TMEM40: variants seen among roughly 807,000 people sequenced by gnomAD.
The protein encoded by TMEM40 is transmembrane protein 40.
A neutral mutation model predicts 40.8 loss-of-function variants in TMEM40; 34 were observed. The observed-to-expected ratio is 0.83, with a 90% CI of 0.63 to 1.11. The LOEUF is 1.11. TMEM40 is among the 50% of genes least tolerant of loss of function. The pLI is 0.00. For synonymous variants in TMEM40, 106 were observed against 107.0 expected (o/e 0.99, Z 0.06); for missense variants, 296 against 280.2 (o/e 1.06, Z -0.40).
At chr3:12,752,477 A>G (rs774660777) in intron 1 of TMEM40, among the ~76,000 whole-genome samples, 11 of 152,150 alleles carry the variant, frequency 7.2e-5, no homozygotes, top group Non-Finnish European at 1.6e-4. Flanking sequence ...ATAGGTCAGA[A>G]TATTGGGGCA....
At chr3:12,764,527 G>A (rs2061585685) in intron 1 of TMEM40, among the ~76,000 whole-genome samples, 2 of 152,194 alleles carry the variant, frequency 1.3e-5, no homozygotes, top group Admixed American at 1.3e-4. Context: ...TGAAGTGTTA[G>A]CTTCTGGTCC....
At position 12,733,769 on chromosome 3, in the gene TMEM40, A is replaced by T. The variant is rs113231678; in HGVS notation, c.*1005T>A. On this transcript the variant is annotated 3_prime_UTR_variant, in exon 12 of 12. Transcript: ENST00000314124. ...ATTGTATACTTTGCAAATTGCTGAC[A>T]GTAGGTTTTTACTGTTCTCATCATA... 6.6e-6 allele frequency: 1 copy of T among 152,146 alleles called. No homozygotes were observed. The highest frequency in any genetic ancestry group is 6.5e-5 in the Admixed American group (1 of 15,268). The allele number at this position is 152,146 out of a possible 1,614,324, so 9.4% of individuals were successfully genotyped here. A position where few individuals can be genotyped will look rare whatever the true frequency, so the allele number is the denominator to read the frequency against.
chr3:12,742,102 C>T (rs375989535), intron 5 of TMEM40, among the ~76,000 whole-genome samples: 41 of 152,128 alleles, frequency 2.7e-4, no homozygotes, highest in East Asian at 2.1e-3. Flanking sequence ...TGGTGGTGGG[C>T]GCCTGTGGTC....
chr3:12,750,483 C>G (rs1219841597), intron 1 of TMEM40, among the ~76,000 whole-genome samples: 1 of 152,218 alleles, frequency 6.6e-6, no homozygotes, highest in Non-Finnish European at 1.5e-5. Flanking sequence ...CTATGAGTCT[C>G]TGTTATAGCA....
intron 10 of TMEM40, 31 bp downstream of exon 10, chr3:12,736,547 T>G: frequency 1.9e-6 from 3 of 1,545,078 alleles, no homozygotes; most frequent in Non-Finnish European, 2.6e-6. Context: ...CAAGAGACTG[T>G]GTGTGTGTCC....
At chr3:12,757,743 T>C (rs1159533535) in intron 1 of TMEM40, among the ~76,000 whole-genome samples, 1 of 152,220 alleles carries the variant, frequency 6.6e-6, no homozygotes, top group East Asian at 1.9e-4. Flanking sequence ...CCCTAGTATA[T>C]TCGCAAGAGA....
upstream of TMEM40, among the ~76,000 whole-genome samples, chr3:12,762,379 T>A (rs2061575435): frequency 6.6e-6 from 1 of 152,190 alleles, no homozygotes; most frequent in Non-Finnish European, 1.5e-5. Flanking sequence ...AACTTCTATA[T>A]TGGATGGTGC....
intron 1 of TMEM40, among the ~76,000 whole-genome samples, chr3:12,757,553 CCCA>C (rs2061538494): frequency 6.6e-6 from 1 of 151,944 alleles, no homozygotes. Context: ...CCCCTTCACA[CCCA>C]CTAGGGTGGC....
rs544710139 is a variant in TMEM40, at chr3:12,742,484, C to T, written c.325G>A (p.Val109Ile). 8.7e-6 allele frequency: 14 copies of T among 1,614,002 alleles called. No homozygotes were observed. The highest frequency in any genetic ancestry group is 3.3e-5 in the South Asian group (3 of 91,060). ...SPGPGHGEPDVLKDELQLYGD... is the reference protein window; with the variant it reads ...SPGPGHGEPDILKDELQLYGD... ...TAGAGTTGAAGCTCATCCTTCAAAACGTCAGGCTCCCCATGCCCAGGACCT... is the reference window on the plus strand; with the variant it reads ...TAGAGTTGAAGCTCATCCTTCAAAATGTCAGGCTCCCCATGCCCAGGACCT... Residue 109 changes from valine to isoleucine, a missense_variant, in exon 5 of 12, where the codon GTT (valine) becomes ATT (isoleucine). Transcript: ENST00000314124.
chr3:12,741,414 C>G (rs1198024431), intron 5 of TMEM40: 2 of 152,316 alleles, frequency 1.3e-5, no homozygotes, highest in South Asian at 4.1e-4. Flanking sequence ...ACAAACACCA[C>G]AAGAGGCACT....
intron 3 of TMEM40, 125 bp downstream of exon 3, chr3:12,748,530 A>G (rs573893453): frequency 3.0e-4 from 402 of 1,348,586 alleles, no homozygotes; most frequent in Non-Finnish European, 3.7e-4. Context: ...GATCGGCTCT[A>G]GAAGAGAATG....
intron 1 of TMEM40, among the ~76,000 whole-genome samples, chr3:12,751,751 C>T (rs1181793757): frequency 6.6e-6 from 1 of 152,172 alleles, no homozygotes; most frequent in Non-Finnish European, 1.5e-5. Context: ...GTGACTAGTA[C>T]ATATTCATTG....
In TMEM40 at chr3:12,736,827, A is replaced by G; in HGVS notation, c.481T>C (p.Phe161Leu). ...GCAAAGCACAGGAGGACGAAATGGA[A>G]AAACTCATCTGTGAAGGCAGGGGTG... ...RLNIKKDDEF[F>L]HFVLLCFAIG... Residue 161 changes from phenylalanine to leucine, a missense_variant, in exon 9 of 12, where the codon TTC becomes CTC. Transcript: ENST00000314124. The G allele has an allele frequency of 6.2e-7, 1 of 1,614,154 alleles. No individual in the cohort carries two copies.
At chr3:12,736,930 G>A (rs2061342519) in intron 8 of TMEM40, 95 bp from the exon 9 acceptor site, 1 of 1,474,154 alleles carries the variant, frequency 6.8e-7, no homozygotes, top group Non-Finnish European at 9.5e-7. Context: ...CCAGGGTGGA[G>A]TGCAGTTGTG....
chr3:12,760,307 C>T (rs542236524), upstream of TMEM40, among the ~76,000 whole-genome samples: 2 of 152,282 alleles, frequency 1.3e-5, no homozygotes, highest in African/African-American at 4.8e-5. Flanking sequence ...TGCCACACTC[C>T]CACTGCACTC....
intron 1 of TMEM40, among the ~76,000 whole-genome samples, chr3:12,768,426 T>C (rs558648883): frequency 1.1e-4 from 16 of 152,304 alleles, no homozygotes; most frequent in Admixed American, 3.9e-4. Flanking sequence ...AGAGAGCCGA[T>C]TGGTCCGTTT....
At chr3:12,748,623 A>G in intron 3 of TMEM40, 32 bp downstream of exon 3, 1 of 1,589,986 alleles carries the variant, frequency 6.3e-7, no homozygotes, top group Non-Finnish European at 8.6e-7. Flanking sequence ...TTTTTCTTGA[A>G]TAATATACAT....
At chr3:12,748,568 A>C in intron 3 of TMEM40, 87 bp downstream of exon 3, 1 of 1,521,220 alleles carries the variant, frequency 6.6e-7, no homozygotes, top group Non-Finnish European at 8.8e-7. Flanking sequence ...AGTTTCAAGT[A>C]CTTCAATGAC....
rs531724734 is a variant in TMEM40 at position 12,747,134 on chromosome 3, T to TACAA, written c.211+1520_211+1521insTTGT. On this transcript the variant is annotated intron_variant, in intron 3 of 11. Transcript: ENST00000314124. ...CCTGCTGAAATGATCATTGATTTTG[T>TACAA]GGCTTTGGGCCTTGGTCTCAGCATT... 1.7e-3 allele frequency among the ~76,000 whole-genome samples: 257 copies of TACAA among 151,902 alleles called. 2 individuals are homozygous for TACAA. Among genetic ancestry groups the TACAA allele is most frequent in the Middle Eastern group, 3.4e-3 (1 of 290 alleles).
Sources: allele counts gnomAD v4.1 joint callset (sites outside exome capture counted in the v4.1 genomes callset), GRCh38; gene constraint gnomAD v4.1.1; transcripts MANE v1.5; gene names NCBI Gene and HGNC (gene_info 2026-07-23, HGNC 2026-07-21).